The following KCNJ6 variants were observed in gnomAD, a reference collection of about 807,000 sequenced individuals.
KCNJ6 encodes potassium inwardly rectifying channel subfamily J member 6.
A neutral mutation model predicts 34.2 loss-of-function variants in KCNJ6; 9 were observed. The ratio of observed to expected loss-of-function variants is 0.26; its 90% CI spans 0.16 to 0.46. The LOEUF is 0.46. KCNJ6 is among the 20% of genes least tolerant of loss of function. The pLI is 1.00. For synonymous variants in KCNJ6, 196 were observed against 207.1 expected, an observed-to-expected ratio of 0.95 and a Z score of 0.46; for missense variants, 236 against 531.3, an observed-to-expected ratio of 0.44 and a Z score of 5.46.
At chr21:37,812,535 G>T (rs1282953908) in intron 2 of KCNJ6, among the ~76,000 whole-genome samples, 1 of 152,112 alleles carries the variant, frequency 6.6e-6, no homozygotes, top group Non-Finnish European at 1.5e-5. Context: ...CTAGTTAACT[G>T]TATTCAACAA....
intron 2 of KCNJ6, among the ~76,000 whole-genome samples, chr21:37,720,875 T>C (rs911056774): frequency 1.3e-5 from 2 of 150,148 alleles, no homozygotes; most frequent in Non-Finnish European, 3.0e-5. Flanking sequence ...GCCCGGCTAA[T>C]TTTTTGTATT....
chr21:37,734,389 CTAAGGGT>C (rs1477320615), intron 2 of KCNJ6, among the ~76,000 whole-genome samples: 1 of 152,130 alleles, frequency 6.6e-6, no homozygotes, highest in Admixed American at 6.5e-5. Context: ...AGAGCCCAGT[CTAAGGGT>C]TCTATAGCGG....
chr21:37,776,968 C>A (rs1304858364), intron 2 of KCNJ6, among the ~76,000 whole-genome samples: 2 of 152,270 alleles, frequency 1.3e-5, no homozygotes, highest in South Asian at 4.1e-4. Flanking sequence ...GCTGTGAATC[C>A]GTCTGGTCCT....
chr21:37,607,482 A>ATATATATATATTTTTTTTT lies in KCNJ6; in HGVS notation c.*17676_*17677insAAAAAAAAATATATATATA. ...CTTAAAGATATATATATATATATAT[A>ATATATATATATTTTTTTTT]TTTTTTTTTTATTTTAAAAAAATTT... On this transcript the variant is annotated 3_prime_UTR_variant, in exon 4 of 4. Transcript: ENST00000609713. 12 of 136,758 alleles carry ATATATATATATTTTTTTTT rather than the reference A, an allele frequency of 8.8e-5. No homozygotes were observed. Among genetic ancestry groups the ATATATATATATTTTTTTTT allele is most frequent in the South Asian group, 7.2e-4 (3 of 4,154 alleles). 8.5% of individuals were successfully genotyped at this position (136,758 alleles called of 1,614,324 possible).
chr21:37,838,020 T>C (rs952191641), intron 2 of KCNJ6, among the ~76,000 whole-genome samples: 31 of 152,228 alleles, frequency 2.0e-4, no homozygotes, highest in African/African-American at 7.2e-4. Flanking sequence ...AACTCGGACA[T>C]TGGGTACGAC....
chr21:37,731,825 G>A (rs925951808), intron 2 of KCNJ6, among the ~76,000 whole-genome samples: 14 of 152,168 alleles, frequency 9.2e-5, no homozygotes, highest in African/African-American at 3.1e-4. Context: ...GTGAGAAGGC[G>A]GAGGAGTTAG....
At chr21:37,811,020 G>T (rs534604526) in intron 2 of KCNJ6, among the ~76,000 whole-genome samples, 1 of 152,240 alleles carries the variant, frequency 6.6e-6, no homozygotes, top group African/African-American at 2.4e-5. Context: ...GGAACTTTCA[G>T]CCCTAACCCA....
chr21:37,680,113 T>G (rs2123417325), intron 3 of KCNJ6, among the ~76,000 whole-genome samples: 1 of 152,304 alleles, frequency 6.6e-6, no homozygotes, highest in East Asian at 1.9e-4. Flanking sequence ...TCCCACTCAT[T>G]CTCTCTCAAC....
intron 3 of KCNJ6, among the ~76,000 whole-genome samples, chr21:37,658,890 G>C (rs536858151): frequency 1.3e-5 from 2 of 152,202 alleles, no homozygotes; most frequent in Non-Finnish European, 2.9e-5. Flanking sequence ...AACACATGAA[G>C]AGTCCATCTG....
At chr21:37,736,978 CTGACA>C (rs1224486084) in intron 2 of KCNJ6, among the ~76,000 whole-genome samples, 1 of 152,212 alleles carries the variant, frequency 6.6e-6, no homozygotes, top group Non-Finnish European at 1.5e-5. Flanking sequence ...GATTTTTCTC[CTGACA>C]TGAGTTTCCT....
intron 2 of KCNJ6, among the ~76,000 whole-genome samples, chr21:37,733,904 C>A (rs909384427): frequency 6.6e-6 from 1 of 152,154 alleles, no homozygotes; most frequent in African/African-American, 2.4e-5. Flanking sequence ...CCTCTGCCTT[C>A]ATTTCTCAGA....
At position 37,698,329 on chromosome 21, in the gene KCNJ6, G is replaced by A. The variant is rs141491709; in HGVS notation, c.946+15882C>T. Among the ~76,000 whole-genome samples the A allele has an allele frequency of 3.2e-3, 488 of 152,288 alleles. 2 individuals are homozygous for A. In the Middle Eastern group the frequency reaches 0.044, roughly 14 times the overall value. ...TGCTGGCTGCCCTGCTTCTCCAGGC[G>A]GGGGCTGCCCTTGCTGCATCCTGGC... On this transcript the variant is annotated intron_variant, in intron 3 of 3. Transcript: ENST00000609713.
intron 2 of KCNJ6, among the ~76,000 whole-genome samples, chr21:37,735,465 G>A (rs1269948428): frequency 6.6e-6 from 1 of 152,166 alleles, no homozygotes; most frequent in Non-Finnish European, 1.5e-5. Context: ...CAGCACTGTA[G>A]GCTCTGAATG....
At chr21:37,697,124 G>C (rs1014265974) in intron 3 of KCNJ6, among the ~76,000 whole-genome samples, 4 of 152,192 alleles carry the variant, frequency 2.6e-5, no homozygotes, top group Non-Finnish European at 2.9e-5. Context: ...CCAAGGGGAG[G>C]AGGGAGCGAG....
rs2054258382 is a variant in KCNJ6, at chr21:37,614,669, TGTG to T, written c.*10487_*10489del. On this transcript the variant is annotated 3_prime_UTR_variant, in exon 4 of 4. Coordinates refer to ENST00000609713, the MANE Select transcript of KCNJ6 (RefSeq NM_002240.5). ...GCACGTGTGTGTATGCATGTGTCTC[TGTG>T]TATGCGTGTGTGTATGCATGTCTTG... is the stretch of plus-strand genomic sequence containing the variant. 2 of 70,692 alleles carry T rather than the reference TGTG, an allele frequency of 2.8e-5. No homozygotes were observed. The highest frequency in any genetic ancestry group is 6.3e-5 in the Non-Finnish European group (2 of 31,770). The allele number at this position is 70,692 out of a possible 1,614,324, so 4.4% of individuals were successfully genotyped here.
chr21:37,693,000 A>G (rs1231124332), intron 3 of KCNJ6, among the ~76,000 whole-genome samples: 1 of 152,178 alleles, frequency 6.6e-6, no homozygotes, highest in Non-Finnish European at 1.5e-5. Flanking sequence ...AGCTTCTACA[A>G]AGTGTCACTA....
At chr21:37,912,672 A>G (rs2055872625) in intron 1 of KCNJ6, among the ~76,000 whole-genome samples, 1 of 152,216 alleles carries the variant, frequency 6.6e-6, no homozygotes, top group Non-Finnish European at 1.5e-5. Context: ...AAACTTGTCA[A>G]TACCTATCAG....
At chr21:37,683,423 C>T (rs986529823) in intron 3 of KCNJ6, among the ~76,000 whole-genome samples, 2 of 152,140 alleles carry the variant, frequency 1.3e-5, no homozygotes, top group African/African-American at 4.8e-5. Context: ...TCAGGGTTTC[C>T]TGGAGTGATC....
chr21:37,865,145 G>A (rs1023447056), intron 1 of KCNJ6, among the ~76,000 whole-genome samples: 7 of 152,250 alleles, frequency 4.6e-5, no homozygotes, highest in South Asian at 4.1e-4. Flanking sequence ...CAGAAACTCC[G>A]TGTAGGAGTG....
Sources: gnomAD v4.1 joint callset for allele counts (sites outside exome capture counted in the v4.1 genomes callset) on GRCh38, gnomAD v4.1.1 for gene constraint, MANE v1.5 for transcripts, NCBI Gene and HGNC (gene_info 2026-07-23, HGNC 2026-07-21) for gene names.